FSTL5: variants seen among roughly 807,000 people sequenced by gnomAD.
FSTL5 encodes the protein follistatin-related protein 5.
FSTL5 carries 62 observed loss-of-function variants against 89.1 expected under a neutral mutation model. That is an observed-to-expected ratio of 0.70 (90% confidence interval 0.57 to 0.86). The LOEUF (loss-of-function observed/expected upper bound fraction) is 0.86. Ranked by LOEUF, FSTL5 falls within the 40% of genes least tolerant of loss-of-function variation. The pLI is 0.00. For missense variants in FSTL5, 1,057 were observed against 1,001.6 expected (o/e 1.06, Z -0.75); for synonymous variants, 383 against 346.2 (o/e 1.11, Z -1.18).
At chr4:161,807,962 C>T (rs1052281526) in intron 4 of FSTL5, among the ~76,000 whole-genome samples, 1 of 151,894 alleles carries the variant, frequency 6.6e-6, no homozygotes, top group African/African-American at 2.4e-5. Flanking sequence ...TCAGAGAAAT[C>T]AAAAGGCAAA....
At chr4:162,025,798 C>CA (rs1578958787) in intron 3 of FSTL5, among the ~76,000 whole-genome samples, 2 of 151,298 alleles carry the variant, frequency 1.3e-5, no homozygotes, top group South Asian at 4.2e-4. Context: ...ATTTAAACAA[C>CA]AAAAAAATCC....
intron 2 of FSTL5, among the ~76,000 whole-genome samples, chr4:162,040,216 A>C (rs887805140): frequency 2.6e-5 from 4 of 152,112 alleles, no homozygotes; most frequent in Non-Finnish European, 5.9e-5. Flanking sequence ...CATTCATCAC[A>C]AATTTGTTCT....
chr4:161,935,004 C>T (rs17597465), intron 3 of FSTL5, among the ~76,000 whole-genome samples: 16,212 of 152,122 alleles, frequency 0.11, 941 homozygotes, highest in East Asian at 0.21. Context: ...AATTATGGTG[C>T]ATACTGATGA....
chr4:161,478,284 C>T (rs963813715), intron 13 of FSTL5, among the ~76,000 whole-genome samples: 5 of 152,050 alleles, frequency 3.3e-5, no homozygotes, highest in African/African-American at 9.7e-5. Context: ...TAAATCATCA[C>T]TAACACCAAA....
intron 8 of FSTL5, among the ~76,000 whole-genome samples, chr4:161,573,652 GA>G (rs1470509753): frequency 7.2e-6 from 1 of 138,170 alleles, no homozygotes; most frequent in Non-Finnish European, 1.5e-5. Context: ...AGAATCGTTT[GA>G]ACCCAGGAGG....
At chr4:161,779,815 A>ATATATACG (rs1741588026) in intron 4 of FSTL5, among the ~76,000 whole-genome samples, 1 of 76,042 alleles carries the variant, frequency 1.3e-5, no homozygotes, top group African/African-American at 8.5e-5. Context: ...ATATATGTAT[A>ATATATACG]TATATATATA....
chr4:162,110,088 C>T (rs1446639631), intron 2 of FSTL5, among the ~76,000 whole-genome samples: 1 of 151,938 alleles, frequency 6.6e-6, no homozygotes, highest in Admixed American at 6.6e-5. Context: ...TTTATTTTCA[C>T]ATGTAACTGA....
intron 7 of FSTL5, among the ~76,000 whole-genome samples, chr4:161,642,962 G>T (rs1022486061): frequency 1.4e-4 from 22 of 152,108 alleles, no homozygotes; most frequent in African/African-American, 4.8e-4. Flanking sequence ...TATGCTATGT[G>T]TATTCAACCA....
intron 4 of FSTL5, among the ~76,000 whole-genome samples, chr4:161,916,153 T>A (rs995453137): frequency 1.3e-5 from 2 of 152,190 alleles, no homozygotes; most frequent in African/African-American, 4.8e-5. Flanking sequence ...GTGACAACCA[T>A]ATTTCTCAAG....
chr4:161,699,397 T>C (rs1738296291), intron 6 of FSTL5, among the ~76,000 whole-genome samples: 1 of 152,148 alleles, frequency 6.6e-6, no homozygotes, highest in Non-Finnish European at 1.5e-5. Flanking sequence ...GTCACATGGG[T>C]TCATAGTCTT....
At chr4:161,816,321 T>A (rs566525544) in intron 4 of FSTL5, among the ~76,000 whole-genome samples, 1 of 152,370 alleles carries the variant, frequency 6.6e-6, no homozygotes, top group East Asian at 1.9e-4. Context: ...GTTAATTACA[T>A]ATTTATTTCT....
chr4:161,444,561 A>C (rs1732881585), intron 15 of FSTL5, among the ~76,000 whole-genome samples: 1 of 151,814 alleles, frequency 6.6e-6, no homozygotes. Flanking sequence ...ATTTCAACAA[A>C]TTTTATGAAC....
chr4:161,924,282 G>A (rs941125671), intron 3 of FSTL5, among the ~76,000 whole-genome samples: 1 of 150,884 alleles, frequency 6.6e-6, no homozygotes, highest in African/African-American at 2.4e-5. Flanking sequence ...AACATACCAA[G>A]CAATAAAGCA....
At chr4:161,482,425 T>C (rs532198267) in intron 12 of FSTL5, among the ~76,000 whole-genome samples, 50 of 152,342 alleles carry the variant, frequency 3.3e-4, no homozygotes, top group African/African-American at 1.2e-3. Flanking sequence ...TAACAACGTC[T>C]AATTTCATTT....
At chr4:161,524,699 C>T (rs940795378) in intron 10 of FSTL5, among the ~76,000 whole-genome samples, 1 of 152,130 alleles carries the variant, frequency 6.6e-6, no homozygotes, top group Non-Finnish European at 1.5e-5. Flanking sequence ...GTGGCTCACG[C>T]CTGTGATCCC....
At chr4:161,929,770 A>T (rs1182593691) in intron 3 of FSTL5, among the ~76,000 whole-genome samples, 1 of 151,370 alleles carries the variant, frequency 6.6e-6, no homozygotes, top group East Asian at 1.9e-4. Context: ...ACACAAAATA[A>T]TCAAAAGTGT....
intron 4 of FSTL5, among the ~76,000 whole-genome samples, chr4:161,820,950 A>T (rs1216842192): frequency 6.6e-6 from 1 of 151,790 alleles, no homozygotes; most frequent in Non-Finnish European, 1.5e-5. Context: ...GTCCAAAAAA[A>T]AAAAAAACCA....
At chr4:162,041,683 G>A (rs1273012030) in intron 2 of FSTL5, among the ~76,000 whole-genome samples, 1 of 151,678 alleles carries the variant, frequency 6.6e-6, no homozygotes, top group Non-Finnish European at 1.5e-5. Context: ...TTGTGATTGG[G>A]TTGAGATATT....
chr4:161,421,213 C>T (rs2126312937), intron 15 of FSTL5, among the ~76,000 whole-genome samples: 1 of 152,030 alleles, frequency 6.6e-6, no homozygotes, highest in East Asian at 2.0e-4. Flanking sequence ...TGGTGGTGTG[C>T]ACCTGTAGTC....
Sources: gnomAD v4.1 joint callset for allele counts (sites outside exome capture counted in the v4.1 genomes callset) on GRCh38, gnomAD v4.1.1 for gene constraint, MANE v1.5 for transcripts, NCBI Gene and HGNC (gene_info 2026-07-23, HGNC 2026-07-21) for gene names.